FBN3: variants seen among roughly 807,000 people sequenced by gnomAD.
FBN3 encodes fibrillin 3.
In FBN3, 234 loss-of-function variants were observed where a neutral mutation model predicts 330.1. The ratio of observed to expected loss-of-function variants is 0.71; its 90% confidence interval spans 0.64 to 0.79. The LOEUF is 0.79. FBN3 is among the 30% of genes least tolerant of loss of function. The pLI is 0.00. For synonymous variants in FBN3, 1,458 were observed against 1,517.3 expected, an observed-to-expected ratio of 0.96 and a Z score of 0.91; for missense variants, 3,606 against 3,886.9, an observed-to-expected ratio of 0.93 and a Z score of 1.92.
At chr19:8,088,251 C>A (rs555068796) in intron 51 of FBN3, 72 bp from the exon 52 acceptor site, 6 of 1,514,580 alleles carry the variant, frequency 4.0e-6, no homozygotes, top group Middle Eastern at 2.4e-4. Flanking sequence ...CATCTGCCTG[C>A]CTGTTGACCA....
Position 8,129,016 on chromosome 19 carries a change from G to C in FBN3, c.2296+12C>G. 6.2e-7 allele frequency: 1 copy of C among 1,608,496 alleles called. No homozygotes were observed. The highest frequency in any genetic ancestry group is 8.5e-7 in the Non-Finnish European group (1 of 1,176,596). On this transcript the variant is annotated intron_variant, in intron 18 of 63. Transcript: ENST00000600128. This position sits in a 1 kb window ranked among gnomAD's most constrained non-coding sequence, Gnocchi z 4.5. Reference sequence around the variant, plus strand: ...TGTGTGTGCAAACCCACGTGAGCCCGGGACCCAGTACCTTTGCAGATCTCC... The same window carrying C: ...TGTGTGTGCAAACCCACGTGAGCCCCGGACCCAGTACCTTTGCAGATCTCC...
At chr19:8,128,955 T>C (rs2083059610) in intron 18 of FBN3, 73 bp downstream of exon 18, 5 of 1,539,552 alleles carry the variant, frequency 3.2e-6, no homozygotes, top group Non-Finnish European at 3.5e-6. Flanking sequence ...TGCCTGTGCG[T>C]GCACACGCCA....
intron 8 of FBN3, among the ~76,000 whole-genome samples, chr19:8,140,512 G>A (rs930770813): frequency 3.3e-5 from 5 of 152,218 alleles, no homozygotes; most frequent in Admixed American, 6.5e-5. Context: ...TACATACTGT[G>A]AGCTAAGTGG....
chr19:8,088,944 G>A (rs949133826), intron 51 of FBN3, among the ~76,000 whole-genome samples: 2 of 152,076 alleles, frequency 1.3e-5, no homozygotes, highest in African/African-American at 2.4e-5. Context: ...GTGATTGAAT[G>A]AACAAGTGAA....
Position 8,121,239 on chromosome 19 carries a change from C to T in FBN3, c.3211+19G>A. The T allele has an allele frequency of 6.3e-7, 1 of 1,578,214 alleles. No individual in the cohort carries two copies. The highest frequency in any genetic ancestry group is 8.6e-7 in the Non-Finnish European group (1 of 1,159,194). The stretch of plus-strand genomic sequence containing the variant: ...CCTGCCCAGGGCGCCCACCACACCC[C>T]TGCCCGGCAGTCACCGACCCATGCA... On this transcript the variant is annotated intron_variant, in intron 25 of 63. Coordinates refer to ENST00000600128, the MANE Select transcript of FBN3 (RefSeq NM_032447.5). The surrounding 1 kb of genome is among the most constrained non-coding windows in gnomAD (Gnocchi z 4.5).
chr19:8,109,480 G>A lies in FBN3; in HGVS notation c.4457-92C>T. ...ATGTGTCTATTTCAACAGGTGACAA[G>A]GACAACCACTCTTGCAGGAGACCAG... is the stretch of plus-strand genomic sequence containing the variant. On this transcript the variant is annotated intron_variant, in intron 35 of 63. Transcript: ENST00000600128. The surrounding 1 kb of genome is among the most constrained non-coding windows in gnomAD (Gnocchi z 5.2). 6.5e-7 allele frequency: 1 copy of A among 1,543,386 alleles called. No homozygotes were observed. The highest frequency in any genetic ancestry group is 1.4e-5 in the African/African-American group (1 of 73,994).
At chr19:8,094,424 G>T (rs183277311) in intron 47 of FBN3, 22 bp downstream of exon 47, 17 of 1,587,914 alleles carry the variant, frequency 1.1e-5, no homozygotes, top group Non-Finnish European at 1.5e-5. Flanking sequence ...CGCCAGAAAC[G>T]GGAGTGGGGC....
chr19:8,096,040 G>A lies in FBN3; in HGVS notation c.5580C>T (p.Thr1860=), dbSNP rs756555804. The A allele has an allele frequency of 9.3e-6, 15 of 1,614,088 alleles. No homozygotes were observed. Among genetic ancestry groups the A allele is most frequent in the Non-Finnish European group, 1.2e-5 (14 of 1,179,964 alleles). ...TGTAGGAGCCAATGATGTTCTTGCA[G>A]GTCCCATTTCCACAAGGCTGCCGGT... ...ECDRQPCGNG[T]CKNIIGSYNC... is the part of the protein sequence containing the mutation. Residue 1860 remains threonine, a synonymous_variant, in exon 45 of 64, where the codon ACC becomes ACT. Transcript: ENST00000600128. This position sits in a 1 kb window ranked among gnomAD's most constrained non-coding sequence, Gnocchi z 4.6.
intron 40 of FBN3, among the ~76,000 whole-genome samples, chr19:8,102,037 A>T (rs2082338160): frequency 6.6e-6 from 1 of 152,020 alleles, no homozygotes; most frequent in Non-Finnish European, 1.5e-5. Flanking sequence ...TATTCTCGTG[A>T]TAGTGAATAA....
At chr19:8,076,837 C>T (rs1405063426) in intron 59 of FBN3, among the ~76,000 whole-genome samples, 1 of 152,118 alleles carries the variant, frequency 6.6e-6, no homozygotes, top group East Asian at 1.9e-4. Context: ...TCTCAGCTCA[C>T]TGCAACCTCC....
rs1216715006 is a variant in FBN3 at position 8,116,667 on chromosome 19, T to G, written c.3712+7A>C. On this transcript the variant is annotated splice_region_variant and intron_variant, in intron 29 of 63. Transcript: ENST00000600128. Reference sequence around the variant, plus strand: ...ACCCGCCCCGCCCCACCGTCCCGGCTCCTCACCAACACATGTCCTCATGTC... The same window carrying G: ...ACCCGCCCCGCCCCACCGTCCCGGCGCCTCACCAACACATGTCCTCATGTC... 1 of 1,599,502 alleles carries G rather than the reference T, an allele frequency of 6.3e-7. No homozygotes were observed. Among genetic ancestry groups the G allele is most frequent in the Admixed American group, 1.7e-5 (1 of 59,710 alleles).
intron 13 of FBN3, 25 bp downstream of exon 13, chr19:8,135,936 G>GCCTCCCCCCC: frequency 1.5e-6 from 1 of 668,778 alleles, no homozygotes; most frequent in Non-Finnish European, 2.4e-6. Context: ...GGAAGCCCCT[G>GCCTCCCCCCC]CCCACCCGCC....
chr19:8,088,257 G>A, intron 51 of FBN3, 78 bp from the exon 52 acceptor site: 3 of 1,503,116 alleles, frequency 2.0e-6, no homozygotes, highest in Non-Finnish European at 2.7e-6. Flanking sequence ...CCTGCCTGTT[G>A]ACCACCACAG....
chr19:8,134,990 A>AT (rs1422988028), intron 13 of FBN3, among the ~76,000 whole-genome samples: 1 of 148,342 alleles, frequency 6.7e-6, no homozygotes, highest in Non-Finnish European at 1.5e-5. Context: ...ATATATATAT[A>AT]TTTTTTGAAA....
Position 8,097,163 on chromosome 19 carries a change from G to A in FBN3, c.5287+126C>T. ...TATATGAGATGGAGGCCCTTGGAAA[G>A]GTGTTAGCCCATTATACATACAGGG... On this transcript the variant is annotated intron_variant, in intron 42 of 63. Coordinates refer to ENST00000600128, the MANE Select transcript of FBN3 (RefSeq NM_032447.5). 3 of 1,462,734 alleles carry A rather than the reference G, an allele frequency of 2.1e-6. No homozygotes were observed. The South Asian group carries it at 3.9e-5, about 19-fold the overall frequency. 90.6% of individuals were successfully genotyped at this position (1,462,734 alleles called of 1,614,324 possible).
At position 8,065,848 on chromosome 19, in the gene FBN3, G is replaced by A; in HGVS notation, c.*71C>T. 7.9e-7 allele frequency: 1 copy of A among 1,264,098 alleles called. No homozygotes were observed. The highest frequency in any genetic ancestry group is 2.3e-5 in the Admixed American group (1 of 42,876). 78.3% of individuals were successfully genotyped at this position (1,264,098 alleles called of 1,614,324 possible). On this transcript the variant is annotated 3_prime_UTR_variant, in exon 64 of 64. Coordinates refer to ENST00000600128, the MANE Select transcript of FBN3 (RefSeq NM_032447.5). ...TTCAATCTGGTCAGCCATCGCTTCT[G>A]GGGATCAGTCCTTCCCAGTTCCAGA...
Position 8,126,763 on chromosome 19 carries a change from C to A in FBN3, c.2366G>T (p.Cys789Phe). The change falls in exon 19 of 64, where the codon TGC becomes TTC. Residue 789 changes from cysteine (C) to phenylalanine (F), a missense_variant. Coordinates refer to ENST00000600128, the MANE Select transcript of FBN3 (RefSeq NM_032447.5). ...CAGCCGGCTGCCAGGGCCACATTTG[C>A]AGGTGTAGGAGCCGGCCAGGTTCCG... Reference protein sequence around the residue: ...VCRNLAGSYTCKCGPGSRLDP... With the variant: ...VCRNLAGSYTFKCGPGSRLDP... The A allele has an allele frequency of 6.3e-7, 1 of 1,593,672 alleles. No homozygotes were observed. Among genetic ancestry groups the A allele is most frequent in the South Asian group, 1.1e-5 (1 of 88,322 alleles).
intron 59 of FBN3, among the ~76,000 whole-genome samples, chr19:8,076,564 G>A (rs551325898): frequency 6.6e-6 from 1 of 152,226 alleles, no homozygotes; most frequent in Admixed American, 6.5e-5. Context: ...GCTTGAACCC[G>A]GGAGGCGGAG....
At chr19:8,115,112 C>T (rs2082677127) in intron 30 of FBN3, among the ~76,000 whole-genome samples, 1 of 152,170 alleles carries the variant, frequency 6.6e-6, no homozygotes, top group South Asian at 2.1e-4. Context: ...GCCTCGGCCT[C>T]CCAAAGTGCT....
Sources: gnomAD v4.1 joint callset for allele counts (sites outside exome capture counted in the v4.1 genomes callset) on GRCh38, gnomAD v4.1.1 for gene constraint, Gnocchi (gnomAD v3.1) non-coding constraint, MANE v1.5 for transcripts, NCBI Gene and HGNC (gene_info 2026-07-23, HGNC 2026-07-21) for gene names.